The following TATDN1 variants were observed in gnomAD, a reference collection of about 807,000 sequenced individuals.
The protein encoded by TATDN1 is TatD DNase domain containing 1.
Under a neutral mutation model 46.4 loss-of-function variants are expected in TATDN1, and 40 were observed. The observed-to-expected ratio is 0.86, with a 90% CI of 0.67 to 1.12. The LOEUF (loss-of-function observed/expected upper bound fraction) is 1.12, where lower values mean the gene tolerates loss of function less well. Ranked by LOEUF, TATDN1 falls within the 50% of genes most tolerant of loss-of-function variation. The pLI is 0.00. For missense variants in TATDN1, 326 were observed against 348.4 expected, an observed-to-expected ratio of 0.94 and a Z score of 0.51; for synonymous variants, 95 against 105.6, an observed-to-expected ratio of 0.90 and a Z score of 0.62.
chr8:124,521,497 A>C (rs1054306091), intron 3 of TATDN1: 16 of 152,338 alleles, frequency 1.1e-4, no homozygotes, highest in South Asian at 6.2e-4. Context: ...ATAACAAATA[A>C]AAGTTTAGAG....
chr8:124,528,425 G>A (rs989553406), intron 1 of TATDN1, among the ~76,000 whole-genome samples: 3 of 152,102 alleles, frequency 2.0e-5, no homozygotes, highest in Non-Finnish European at 2.9e-5. Flanking sequence ...CTCCCGCCTC[G>A]GCCTCCCAGA....
intron 1 of TATDN1, among the ~76,000 whole-genome samples, chr8:124,537,745 C>T (rs751240730): frequency 3.5e-4 from 54 of 152,142 alleles, no homozygotes; most frequent in Non-Finnish European, 6.8e-4. Flanking sequence ...AAGGCTAAGA[C>T]ACGGCAATGT....
At chr8:124,491,606 A>G (rs1204164410) in intron 11 of TATDN1, 1 of 152,286 alleles carries the variant, frequency 6.6e-6, no homozygotes, top group Non-Finnish European at 1.5e-5. Flanking sequence ...TGCCTTATCT[A>G]AAGTGCCAGG....
rs796706065 is a variant in TATDN1 at position 124,506,185 on chromosome 8, A to G, written c.517-1838T>C. Among the ~76,000 whole-genome samples the G allele has an allele frequency of 2.2e-4, 34 of 151,996 alleles. 1 individual carries two copies. The highest frequency in any genetic ancestry group is 8.2e-4 in the African/African-American group (34 of 41,434). ...CCCTGTCTCTACTGAAAATACAAAA[A>G]TTAGCCAGGCGTGGTGGTGCGTGCC... On this transcript the variant is annotated intron_variant, in intron 8 of 11. Transcript: ENST00000276692.
At chr8:124,516,693 T>G (rs1290813722) in intron 4 of TATDN1, among the ~76,000 whole-genome samples, 1 of 151,502 alleles carries the variant, frequency 6.6e-6, no homozygotes, top group Admixed American at 6.7e-5. Flanking sequence ...CCTCCATTAT[T>G]GATTCATGTA....
chr8:124,495,646 T>C (rs1252628951), intron 9 of TATDN1, 104 bp from the exon 10 acceptor site: 10 of 790,504 alleles, frequency 1.3e-5, no homozygotes, highest in Non-Finnish European at 2.0e-6. Context: ...CAAAACCCTA[T>C]AACACTTTGT....
intron 9 of TATDN1, among the ~76,000 whole-genome samples, chr8:124,497,883 T>TA (rs201414907): frequency 0.011 from 1,660 of 152,138 alleles, 41 homozygotes; most frequent in African/African-American, 0.038. Flanking sequence ...GTAGTTTGTA[T>TA]AAAAAAAATA....
intron 8 of TATDN1, among the ~76,000 whole-genome samples, chr8:124,505,448 G>A (rs1335281040): frequency 6.6e-6 from 1 of 150,596 alleles, no homozygotes; most frequent in African/African-American, 2.4e-5. Flanking sequence ...GGGTGAGACT[G>A]TTGCTTAAAA....
Position 124,488,611 on chromosome 8 carries a change from ATACTT to A in TATDN1, c.872_876del (p.Lys291IlefsTer26), listed in dbSNP as rs772491425. The A allele has an allele frequency of 2.2e-5, 34 of 1,557,478 alleles. No individual in the cohort carries two copies. Among genetic ancestry groups the A allele is most frequent in the Middle Eastern group, 1.8e-4 (1 of 5,662 alleles). On this transcript the variant is annotated frameshift_variant, in exon 12 of 12. Transcript: ENST00000276692. LOFTEE classifies it high-confidence loss of function. ...TATACCAATTATATTCCAGGAAAAA[ATACTT>A]TAATAGTATTGTTATATAGTGTATT...
intron 4 of TATDN1, among the ~76,000 whole-genome samples, chr8:124,517,885 C>T (rs531517417): frequency 3.3e-5 from 5 of 152,158 alleles, no homozygotes; most frequent in South Asian, 2.1e-4. Context: ...ATCTTAAACA[C>T]GTTAAAACAC....
chr8:124,535,762 C>T (rs1472090199), intron 1 of TATDN1, among the ~76,000 whole-genome samples: 1 of 152,168 alleles, frequency 6.6e-6, no homozygotes, highest in African/African-American at 2.4e-5. Flanking sequence ...GTGTATTTGG[C>T]TCATGGTTCT....
chr8:124,506,596 T>C lies in TATDN1; in HGVS notation c.516+1878A>G, dbSNP rs1217628732. Reference sequence around the variant, plus strand: ...TAACATTACAGCAATGCAGGATGCATACATATTACTAGTAGTATAGATGAG... The same window carrying C: ...TAACATTACAGCAATGCAGGATGCACACATATTACTAGTAGTATAGATGAG... On this transcript the variant is annotated intron_variant, in intron 8 of 11. Transcript: ENST00000276692. 4.6e-5 allele frequency among the ~76,000 whole-genome samples: 7 copies of C among 152,192 alleles called. No homozygotes were observed. In the East Asian group the frequency reaches 1.3e-3, roughly 29 times the overall value.
chr8:124,516,046 G>C lies in TATDN1; in HGVS notation c.203-16C>G. ...AAAAACATACCTAACAGAAAATAATGTCTTAGGATTATTTTCAAAGTATTT... is the reference window on the plus strand; with the variant it reads ...AAAAACATACCTAACAGAAAATAATCTCTTAGGATTATTTTCAAAGTATTT... On this transcript the variant is annotated splice_polypyrimidine_tract_variant and intron_variant, in intron 4 of 11. Transcript: ENST00000276692. 1 of 1,566,450 alleles carries C rather than the reference G, an allele frequency of 6.4e-7. No individual in the cohort carries two copies. Among genetic ancestry groups the C allele is most frequent in the Non-Finnish European group, 8.6e-7 (1 of 1,157,608 alleles).
chr8:124,504,385 T>C, intron 8 of TATDN1, 38 bp from the exon 9 acceptor site: 1 of 1,386,706 alleles, frequency 7.2e-7, no homozygotes, highest in Non-Finnish European at 9.7e-7. Context: ...ATTATAATAA[T>C]TACTCTTTAA....
chr8:124,532,081 G>GT (rs1821010915), intron 1 of TATDN1, among the ~76,000 whole-genome samples: 6 of 151,926 alleles, frequency 3.9e-5, no homozygotes, highest in African/African-American at 1.5e-4. Flanking sequence ...GGAAGAGCAA[G>GT]GGGGGGAGGA....
chr8:124,497,195 C>T (rs1281137016), intron 9 of TATDN1, among the ~76,000 whole-genome samples: 3 of 152,122 alleles, frequency 2.0e-5, no homozygotes, highest in East Asian at 1.9e-4. Flanking sequence ...AAGCTGTTCA[C>T]GCTGTGGAGT....
At chr8:124,509,793 C>G (rs1277313350) in intron 6 of TATDN1, among the ~76,000 whole-genome samples, 1 of 152,132 alleles carries the variant, frequency 6.6e-6, no homozygotes, top group Non-Finnish European at 1.5e-5. Flanking sequence ...AATGCCAGCA[C>G]TTTGGGAGGC....
chr8:124,534,280 T>G (rs1191080678), intron 1 of TATDN1, among the ~76,000 whole-genome samples: 2 of 151,592 alleles, frequency 1.3e-5, no homozygotes, highest in Non-Finnish European at 2.9e-5. Context: ...TTTAAATAGT[T>G]GAAGAAAATC....
At chr8:124,516,176 A>T in intron 4 of TATDN1, 146 bp from the exon 5 acceptor site, 2 of 616,970 alleles carry the variant, frequency 3.2e-6, no homozygotes, top group Non-Finnish European at 5.0e-6. Context: ...GCATTATGTT[A>T]ATCATATGAC....
Sources: allele counts gnomAD v4.1 joint callset (sites outside exome capture counted in the v4.1 genomes callset), GRCh38; gene constraint gnomAD v4.1.1; transcripts MANE v1.5; gene names NCBI Gene and HGNC (gene_info 2026-07-23, HGNC 2026-07-21).